TBC1D22A: variants seen among roughly 807,000 people sequenced by gnomAD.
TBC1D22A encodes the protein putative GTPase activator.
A neutral mutation model predicts 60.2 loss-of-function variants in TBC1D22A; 38 were observed. That is an observed-to-expected ratio of 0.63 (90% CI 0.49 to 0.83). The LOEUF (loss-of-function observed/expected upper bound fraction) is 0.83, where lower values mean the gene tolerates loss of function less well. Ranked by LOEUF, TBC1D22A falls within the 40% of genes least tolerant of loss-of-function variation. TBC1D22A has a pLI of 0.00. For missense variants in TBC1D22A, 628 were observed against 701.0 expected, an observed-to-expected ratio of 0.90 and a Z score of 1.18; for synonymous variants, 302 against 281.7, an observed-to-expected ratio of 1.07 and a Z score of -0.72.
chr22:47,045,968 A>T (rs770881043), intron 11 of TBC1D22A, among the ~76,000 whole-genome samples: 1 of 152,218 alleles, frequency 6.6e-6, no homozygotes, highest in Non-Finnish European at 1.5e-5. Context: ...AGAAAGCAGC[A>T]GGTCTTAGTG....
intron 11 of TBC1D22A, among the ~76,000 whole-genome samples, chr22:47,080,121 A>G (rs1222621813): frequency 2.6e-5 from 4 of 151,008 alleles, no homozygotes; most frequent in South Asian, 2.1e-4. Context: ...TTCTAATTAC[A>G]TGAAGCACAA....
intron 8 of TBC1D22A, among the ~76,000 whole-genome samples, chr22:46,925,083 G>A (rs2070974456): frequency 6.6e-6 from 1 of 152,214 alleles, no homozygotes; most frequent in South Asian, 2.1e-4. Flanking sequence ...TCATTGATAA[G>A]TTGTAGCTTT....
At chr22:47,091,299 C>T (rs1326210726) in intron 11 of TBC1D22A, among the ~76,000 whole-genome samples, 1 of 63,662 alleles carries the variant, frequency 1.6e-5, no homozygotes, top group Admixed American at 2.2e-4. Flanking sequence ...CACGAGAAGT[C>T]GTCTTTGGGT....
intron 2 of TBC1D22A, 43 bp from the exon 3 acceptor site, chr22:46,793,458 A>G: frequency 5.6e-6 from 9 of 1,600,818 alleles, no homozygotes; most frequent in Non-Finnish European, 7.7e-6. Flanking sequence ...TTTTGGGTGA[A>G]GCCTTCGAGC....
chr22:46,948,244 A>G (rs1229218011), intron 8 of TBC1D22A, among the ~76,000 whole-genome samples: 1 of 152,264 alleles, frequency 6.6e-6, no homozygotes, highest in East Asian at 1.9e-4. Flanking sequence ...TTTCATTTTC[A>G]GTCTTAAATT....
intron 10 of TBC1D22A, among the ~76,000 whole-genome samples, chr22:47,033,949 CTGGCACCCCCTT>C (rs1357689504): frequency 6.6e-6 from 1 of 152,120 alleles, no homozygotes; most frequent in Non-Finnish European, 1.5e-5. Flanking sequence ...GAGACACCTC[CTGGCACCCCCTT>C]TGGTCTCTCT....
intron 3 of TBC1D22A, among the ~76,000 whole-genome samples, chr22:46,795,745 G>A (rs1026087503): frequency 2.6e-5 from 4 of 152,214 alleles, no homozygotes; most frequent in South Asian, 2.1e-4. Context: ...GCAGCACTAG[G>A]ACATGGACTT....
intron 1 of TBC1D22A, among the ~76,000 whole-genome samples, chr22:46,783,591 GTT>G (rs10551971): frequency 0.58 from 87,365 of 151,260 alleles, 25,233 homozygotes; most frequent in Middle Eastern, 0.66. Flanking sequence ...TGCAGGAGCA[GTT>G]TTTTTTTTAC....
chr22:47,171,936 G>A (rs1182419544), intron 12 of TBC1D22A, among the ~76,000 whole-genome samples: 1 of 152,160 alleles, frequency 6.6e-6, no homozygotes, highest in Non-Finnish European at 1.5e-5. Flanking sequence ...CGGCCCAGCT[G>A]CAGGCCAGAG....
chr22:47,086,433 C>A (rs576947892), intron 11 of TBC1D22A, among the ~76,000 whole-genome samples: 1 of 152,050 alleles, frequency 6.6e-6, no homozygotes, highest in African/African-American at 2.4e-5. Flanking sequence ...CCAGCCTGGG[C>A]GACAAGAGTG....
chr22:46,912,073 G>C lies in TBC1D22A; in HGVS notation c.901-1G>C. ...TTACCACCTGTTCCATTTTCTTTCA[G>C]ATTTTTGAAAGGATCTTGTTCATAT... On this transcript the variant is annotated splice_acceptor_variant, in intron 7 of 12. Transcript: ENST00000337137. LOFTEE classifies it high-confidence loss of function. 6.2e-7 allele frequency: 1 copy of C among 1,608,998 alleles called. No homozygotes were observed. The highest frequency in any genetic ancestry group is 8.5e-7 in the Non-Finnish European group (1 of 1,178,062).
intron 8 of TBC1D22A, among the ~76,000 whole-genome samples, chr22:46,967,149 G>A (rs867043115): frequency 6.6e-6 from 1 of 152,230 alleles, no homozygotes; most frequent in African/African-American, 2.4e-5. Flanking sequence ...GGTTCAGTCT[G>A]TGTAACCTTG....
rs801637 is a variant in TBC1D22A at position 46,765,746 on chromosome 22, C to T, written c.62+2898C>T. On this transcript the variant is annotated intron_variant, in intron 1 of 12. Transcript: ENST00000337137. ...CCTCCCAAAGTGCTGGGATTATAGG[C>T]GTGAGCCTCCATGCCTGGCCTTGTT... is the stretch of plus-strand genomic sequence containing the variant. Among the ~76,000 whole-genome samples the T allele has an allele frequency of 9.9e-3, 1,490 of 150,360 alleles. 31 individuals are homozygous for T. The highest frequency in any genetic ancestry group is 0.035 in the African/African-American group (1,441 of 40,886).
At chr22:46,999,607 C>T (rs2075241917) in intron 10 of TBC1D22A, among the ~76,000 whole-genome samples, 1 of 152,196 alleles carries the variant, frequency 6.6e-6, no homozygotes, top group South Asian at 2.1e-4. Context: ...TGAAGCTCCC[C>T]CTCACCTGTT....
intron 7 of TBC1D22A, among the ~76,000 whole-genome samples, chr22:46,897,640 G>GTTTTTTTGTT (rs1569189469): frequency 2.5e-4 from 27 of 108,404 alleles, no homozygotes; most frequent in African/African-American, 1.1e-3. Flanking sequence ...GTTTCGTTTT[G>GTTTTTTTGTT]TTTTTTTTTG....
At chr22:46,834,577 C>A (rs2086441220) in intron 4 of TBC1D22A, among the ~76,000 whole-genome samples, 1 of 152,216 alleles carries the variant, frequency 6.6e-6, no homozygotes, top group South Asian at 2.1e-4. Flanking sequence ...CCACTCCTTT[C>A]TCATCCCTTT....
chr22:47,011,857 A>G (rs999323321), intron 10 of TBC1D22A, among the ~76,000 whole-genome samples: 37 of 152,226 alleles, frequency 2.4e-4, no homozygotes, highest in East Asian at 1.9e-4. Flanking sequence ...AGTGCAGCCT[A>G]TGCTGCTGCT....
chr22:46,845,907 CAGG>C (rs1339854700), intron 4 of TBC1D22A, among the ~76,000 whole-genome samples: 2 of 152,354 alleles, frequency 1.3e-5, no homozygotes, highest in Admixed American at 6.5e-5. Context: ...GAGCCGATTC[CAGG>C]AGGAGGATAC....
intron 4 of TBC1D22A, among the ~76,000 whole-genome samples, chr22:46,831,762 A>T (rs1484522270): frequency 1.3e-5 from 2 of 152,166 alleles, no homozygotes; most frequent in African/African-American, 4.8e-5. Flanking sequence ...GGTTGCAGGA[A>T]CCTCCAATTA....
Sources: allele counts gnomAD v4.1 joint callset (sites outside exome capture counted in the v4.1 genomes callset), GRCh38; gene constraint gnomAD v4.1.1; transcripts MANE v1.5; gene names NCBI Gene and HGNC (gene_info 2026-07-23, HGNC 2026-07-21).